The following PACS2 variants were observed in gnomAD, a reference collection of about 807,000 sequenced individuals.
PACS2 encodes the protein phosphofurin acidic cluster sorting protein 2.
PACS2 carries 36 observed loss-of-function variants against 113.0 expected under a neutral mutation model. The ratio of observed to expected loss-of-function variants is 0.32; its 90% confidence interval spans 0.24 to 0.42. The LOEUF (loss-of-function observed/expected upper bound fraction) is 0.42, where lower values mean the gene tolerates loss of function less well. PACS2 is among the 10% of genes least tolerant of loss of function. The pLI is 1.00. For missense variants in PACS2, 1,015 were observed against 1,239.5 expected, an observed-to-expected ratio of 0.82 and a Z score of 2.72; for synonymous variants, 589 against 536.1, an observed-to-expected ratio of 1.10 and a Z score of -1.36.
intron 19 of PACS2, among the ~76,000 whole-genome samples, chr14:105,386,958 G>A (rs587697024): frequency 9.2e-5 from 14 of 152,308 alleles, no homozygotes; most frequent in South Asian, 2.1e-4. Context: ...GGCCGTGGAC[G>A]CAGCTGCTTG....
In PACS2 at chr14:105,367,195, C is replaced by T. The variant is rs140505268; in HGVS notation, c.424-18C>T. The T allele has an allele frequency of 1.8e-3, 2,906 of 1,610,740 alleles. 34 individuals are homozygous for T. The East Asian group carries it at 0.025, about 14-fold the overall frequency. On this transcript the variant is annotated intron_variant, in intron 4 of 24. Transcript: ENST00000447393. ...TTCCCGTCGTGCTGCTTTCTAGAAC[C>T]GTGCCCCTGGCCTGCAGGTGATGCA...
At chr14:105,301,586 C>T (rs368071535) in intron 1 of PACS2, among the ~76,000 whole-genome samples, 4 of 152,332 alleles carry the variant, frequency 2.6e-5, no homozygotes, top group African/African-American at 9.6e-5. Flanking sequence ...CCTGCCCCGC[C>T]CTCCGCATTT....
intron 4 of PACS2, among the ~76,000 whole-genome samples, chr14:105,364,762 T>C (rs1431082743): frequency 6.7e-6 from 1 of 150,082 alleles, no homozygotes; most frequent in Non-Finnish European, 1.5e-5. Flanking sequence ...AGTGGTGTGA[T>C]CTTGGCTCAC....
In PACS2 at chr14:105,329,987, G is replaced by C. The variant is rs1209685474; in HGVS notation, c.119+14950G>C. ...AGCTGGGATGCCCTGGGAGGGTGCA[G>C]GGTGGGCTCTGGATGCCTGCTGGGG... On this transcript the variant is annotated intron_variant, in intron 1 of 24. Transcript: ENST00000447393. This position sits in a 1 kb window ranked among gnomAD's most constrained non-coding sequence, Gnocchi z 6.4. 6.6e-6 allele frequency among the ~76,000 whole-genome samples: 1 copy of C among 152,232 alleles called. No individual in the cohort carries two copies. Among genetic ancestry groups the C allele is most frequent in the Admixed American group, 6.5e-5 (1 of 15,290 alleles).
intron 16 of PACS2, 64 bp downstream of exon 16, chr14:105,383,577 G>C: frequency 6.7e-7 from 1 of 1,489,184 alleles, no homozygotes; most frequent in Non-Finnish European, 9.0e-7. Context: ...GCGTGGCATG[G>C]AGTGGTGTGG....
chr14:105,392,697 C>T lies in PACS2; in HGVS notation c.2334C>T (p.Asp778=), dbSNP rs782639272. The change falls in exon 23 of 25, where the codon GAC becomes GAT. Residue 778 remains aspartate, a synonymous_variant. Transcript: ENST00000447393. ...CACAGCCTGCGGACAGGAAGAGGGA[C>T]GCCGAGAAGAAGGACCTGCCTGTCA... ...TAAQPADRKR[D]AEKKDLPVTK... 1.4e-5 allele frequency: 22 copies of T among 1,612,692 alleles called. No homozygotes were observed. The highest frequency in any genetic ancestry group is 1.6e-4 in the Middle Eastern group (1 of 6,084).
At position 105,376,311 on chromosome 14, in the gene PACS2, G is replaced by T. The variant is rs1325932244; in HGVS notation, c.802-457G>T. Among the ~76,000 whole-genome samples, 1 of 151,924 alleles carries T rather than the reference G, an allele frequency of 6.6e-6. No homozygotes were observed. The highest frequency in any genetic ancestry group is 6.6e-5 in the Admixed American group (1 of 15,238). ...CTGCAGGCCACATGATTCCTTTTGG[G>T]TAGCACTCGGGAAAGGGCAGAATGT... On this transcript the variant is annotated intron_variant, in intron 8 of 24. Transcript: ENST00000447393. The surrounding 1 kb of genome is among the most constrained non-coding windows in gnomAD (Gnocchi z 4.7).
chr14:105,316,712 G>A (rs1480072378), intron 1 of PACS2, among the ~76,000 whole-genome samples: 1 of 152,012 alleles, frequency 6.6e-6, no homozygotes, highest in Non-Finnish European at 1.5e-5. Context: ...GGTATGGGTA[G>A]GGCGGGTTTC....
intron 2 of PACS2, among the ~76,000 whole-genome samples, chr14:105,352,091 G>C (rs587718101): frequency 6.6e-6 from 1 of 152,204 alleles, no homozygotes; most frequent in Non-Finnish European, 1.5e-5. Context: ...CGTGGAATCT[G>C]TTTTGTGATC....
chr14:105,390,078 G>A, intron 20 of PACS2, 75 bp downstream of exon 20: 1 of 1,275,492 alleles, frequency 7.8e-7, no homozygotes, highest in Non-Finnish European at 1.1e-6. Context: ...GAACGTTTGG[G>A]GATTGACTCG....
At chr14:105,370,671 G>T (rs2061115727) in intron 8 of PACS2, 1 of 152,362 alleles carries the variant, frequency 6.6e-6, no homozygotes, top group Non-Finnish European at 1.5e-5. Context: ...TTCAGCCTGG[G>T]CAACAGAGCG....
intron 8 of PACS2, chr14:105,370,173 G>GTT (rs1214763288): frequency 3.4e-4 from 100 of 293,522 alleles, no homozygotes; most frequent in South Asian, 5.4e-4. Flanking sequence ...TAGTTTGTGT[G>GTT]TTTTTTTTTT....
At chr14:105,336,884 A>G (rs1373722161) in intron 1 of PACS2, among the ~76,000 whole-genome samples, 1 of 152,210 alleles carries the variant, frequency 6.6e-6, no homozygotes, top group Admixed American at 6.5e-5. Flanking sequence ...TGCACTTCTC[A>G]GTAGAACCCG....
intron 1 of PACS2, among the ~76,000 whole-genome samples, chr14:105,334,425 CTCTG>C (rs2059424347): frequency 1.3e-5 from 2 of 152,354 alleles, no homozygotes; most frequent in South Asian, 4.1e-4. Context: ...ACCCTCTTCC[CTCTG>C]TCTGTGTAGA....
upstream of PACS2, among the ~76,000 whole-genome samples, chr14:105,311,103 C>T (rs1400418811): frequency 6.6e-6 from 1 of 152,082 alleles, no homozygotes; most frequent in East Asian, 1.9e-4. Flanking sequence ...CAGGCGCGCA[C>T]CATCATGCCC....
In PACS2 at chr14:105,366,592, CAG is replaced by C. The variant is rs367804430; in HGVS notation, c.424-618_424-617del. On this transcript the variant is annotated intron_variant, in intron 4 of 24. Transcript: ENST00000447393. This position sits in a 1 kb window ranked among gnomAD's most constrained non-coding sequence, Gnocchi z 4.3. ...GCTCCGTGGTTTGAGTGCCTCACAACAGAGGAGCTGGACCTGGCCTGTGAGCC... is the reference window on the plus strand; with the variant it reads ...GCTCCGTGGTTTGAGTGCCTCACAACAGGAGCTGGACCTGGCCTGTGAGCC... Among the ~76,000 whole-genome samples the C allele has an allele frequency of 3.3e-3, 503 of 152,308 alleles. 5 individuals are homozygous for C. Among genetic ancestry groups the C allele is most frequent in the African/African-American group, 0.012 (482 of 41,554 alleles).
In PACS2 at chr14:105,348,628, T is replaced by C; in HGVS notation, c.207+48T>C. 3.7e-6 allele frequency: 5 copies of C among 1,352,392 alleles called. 1 individual carries two copies. The highest frequency in any genetic ancestry group is 2.3e-5 in the South Asian group (2 of 86,058). The allele number at this position is 1,352,392 out of a possible 1,614,324, so 83.8% of individuals were successfully genotyped here. A position where few individuals can be genotyped will look rare whatever the true frequency, so the allele number is the denominator to read the frequency against. ...CTGTGGCTGGGTGCTGTGTAGGCTT[T>C]CCATGTGCCTGGGAGACGAGTCAGG... is the stretch of plus-strand genomic sequence containing the variant. On this transcript the variant is annotated intron_variant, in intron 2 of 24. Coordinates refer to ENST00000447393, the MANE Select transcript of PACS2 (RefSeq NM_001100913.3). The surrounding 1 kb of genome is among the most constrained non-coding windows in gnomAD (Gnocchi z 6.4).
chr14:105,342,568 G>C (rs2059774127), intron 1 of PACS2, among the ~76,000 whole-genome samples: 1 of 151,856 alleles, frequency 6.6e-6, no homozygotes, highest in African/African-American at 2.4e-5. Flanking sequence ...CCCAGCCACA[G>C]TAGAGCTTCT....
chr14:105,348,541 G>A lies in PACS2; in HGVS notation c.168G>A (p.Glu56=), dbSNP rs782369713. ...AGCTGGTGGTCTTCAAGGAGCTGGA[G>A]AAGGAGCTGATCTCCGTGGTGATCG... The part of the protein sequence containing the change: ...LKKLVVFKEL[E]KELISVVIAV... Residue 56 remains glutamate, a synonymous_variant, in exon 2 of 25, where the codon GAG becomes GAA. Coordinates refer to ENST00000447393, the MANE Select transcript of PACS2 (RefSeq NM_001100913.3). The surrounding 1 kb of genome is among the most constrained non-coding windows in gnomAD (Gnocchi z 6.4). The A allele has an allele frequency of 4.2e-5, 68 of 1,612,418 alleles. No homozygotes were observed. Among genetic ancestry groups the A allele is most frequent in the Non-Finnish European group, 5.6e-5 (66 of 1,179,808 alleles).
Sources: gnomAD v4.1 joint callset for allele counts (sites outside exome capture counted in the v4.1 genomes callset) on GRCh38, gnomAD v4.1.1 for gene constraint, Gnocchi (gnomAD v3.1) non-coding constraint, MANE v1.5 for transcripts, NCBI Gene and HGNC (gene_info 2026-07-23, HGNC 2026-07-21) for gene names.